Variants in CD300LG observed in about 807,000 individuals in gnomAD.
CD300LG encodes CD300 molecule like family member g, also known as CMRF35-like molecule 9.
CD300LG carries 29 observed loss-of-function variants against 31.5 expected under a neutral mutation model. That is an observed-to-expected ratio of 0.92 (90% confidence interval 0.68 to 1.25). The LOEUF (loss-of-function observed/expected upper bound fraction) is 1.25. Among genes scored for constraint, CD300LG ranks in the 50% most tolerant of loss-of-function variants. The pLI is 0.00. For missense variants in CD300LG, 396 were observed against 417.6 expected (o/e 0.95, Z 0.45); for synonymous variants, 175 against 177.2 (o/e 0.99, Z 0.10).
At chr17:43,853,734 C>A in intron 3 of CD300LG, 73 bp from the exon 4 acceptor site, 1 of 1,275,252 alleles carries the variant, frequency 7.8e-7, no homozygotes, top group Non-Finnish European at 1.1e-6. Context: ...TTCAGGGGTC[C>A]AGGGTCAGAA....
Position 43,853,865 on chromosome 17 carries a change from G to A in CD300LG, c.540G>A (p.Glu180=), listed in dbSNP as rs2046432103. ...TTAKQGKTGA[E]APPLPGTSQY... ...CCAAGCAGGGGAAGACAGGGGCTGA[G>A]GCCCCTCCATTGCCAGGGACTTCCC... Residue 180 remains glutamate (E), a synonymous_variant, in exon 4 of 7, where the codon GAG becomes GAA. Coordinates refer to ENST00000317310, the MANE Select transcript of CD300LG (RefSeq NM_145273.4). The A allele has an allele frequency of 1.9e-6, 3 of 1,614,098 alleles. No homozygotes were observed. The highest frequency in any genetic ancestry group is 1.3e-5 in the African/African-American group (1 of 75,006).
At chr17:43,851,081 C>G (rs1290188578) in intron 2 of CD300LG, among the ~76,000 whole-genome samples, 1 of 143,308 alleles carries the variant, frequency 7.0e-6, no homozygotes, top group Non-Finnish European at 1.5e-5. Flanking sequence ...TTGCAGTGAG[C>G]CAAGATCGTG....
chr17:43,858,763 G>A (rs1037598048), intron 6 of CD300LG: 7 of 931,956 alleles, frequency 7.5e-6, no homozygotes, highest in African/African-American at 5.4e-5. Flanking sequence ...GTCCACATTC[G>A]GGTCAAAGAG....
chr17:43,848,749 G>A lies in CD300LG; in HGVS notation c.235G>A (p.Val79Met), dbSNP rs367991783. The change falls in exon 2 of 7, where the codon GTG becomes ATG. Residue 79 changes from valine to methionine, a missense_variant. Val to Met is a conservative substitution (Grantham distance 21). Coordinates refer to ENST00000317310, the MANE Select transcript of CD300LG (RefSeq NM_145273.4). The part of the protein sequence containing the change: ...EEGQETMKGR[V>M]SIRDSRQELS... ...AGGCCAGGAGACAATGAAGGGCAGG[G>A]TGTCCATCCGTGACAGCCGCCAGGA... The A allele has an allele frequency of 1.2e-5, 20 of 1,614,022 alleles. No homozygotes were observed. The African/African-American group carries it at 1.7e-4, about 14-fold the overall frequency.
chr17:43,852,825 G>A (rs952035002), intron 2 of CD300LG, 87 bp from the exon 3 acceptor site: 5 of 1,056,800 alleles, frequency 4.7e-6, no homozygotes, highest in Non-Finnish European at 5.6e-6. Flanking sequence ...TGAGGTGGGG[G>A]GTAGGAAAAC....
At position 43,853,896 on chromosome 17, in the gene CD300LG, G is replaced by C. The variant is rs530715075; in HGVS notation, c.571G>C (p.Gly191Arg). The C allele has an allele frequency of 1.1e-5, 18 of 1,613,966 alleles. No individual in the cohort carries two copies. Among genetic ancestry groups the C allele is most frequent in the Non-Finnish European group, 1.4e-5 (17 of 1,180,010 alleles). ...APPLPGTSQY[G>R]HERTSQYTGT... ...TCCATTGCCAGGGACTTCCCAGTAC[G>C]GGCACGAAAGGACTTCTCAGTACAC... Residue 191 changes from glycine to arginine, a missense_variant, in exon 4 of 7, where the codon GGG becomes CGG. Transcript: ENST00000317310.
In CD300LG at chr17:43,848,788, G is replaced by T; in HGVS notation, c.274G>T (p.Val92Leu). 1 of 1,614,176 alleles carries T rather than the reference G, an allele frequency of 6.2e-7. No individual in the cohort carries two copies. Among genetic ancestry groups the T allele is most frequent in the Non-Finnish European group, 8.5e-7 (1 of 1,180,040 alleles). ...CAGCCGCCAGGAGCTCTCGCTCATTGTGACCCTGTGGAACCTCACCCTGCA... is the reference window on the plus strand; with the variant it reads ...CAGCCGCCAGGAGCTCTCGCTCATTTTGACCCTGTGGAACCTCACCCTGCA... Reference protein sequence around the residue: ...RDSRQELSLIVTLWNLTLQDA... With the variant: ...RDSRQELSLILTLWNLTLQDA... The change falls in exon 2 of 7, where the codon GTG (valine) becomes TTG (leucine). Residue 92 changes from valine (V) to leucine (L), a missense_variant. By Grantham distance (32) the Val-to-Leu change is conservative. Coordinates refer to ENST00000317310, the MANE Select transcript of CD300LG (RefSeq NM_145273.4).
Position 43,857,019 on chromosome 17 carries a change from G to T in CD300LG, c.833-85G>T, listed in dbSNP as rs942475917. 3 of 1,386,136 alleles carry T rather than the reference G, an allele frequency of 2.2e-6. No individual in the cohort carries two copies. In the African/African-American group the frequency reaches 4.3e-5, roughly 20 times the overall value. The allele number at this position is 1,386,136 out of a possible 1,614,324, so 85.9% of individuals were successfully genotyped here. On this transcript the variant is annotated intron_variant, in intron 5 of 6. Transcript: ENST00000317310. ...AGCCCCTGCTCCCGTGTGCAAGGGGGCCAGTCCACCTTTCTGGGAGCAGCT... is the reference window on the plus strand; with the variant it reads ...AGCCCCTGCTCCCGTGTGCAAGGGGTCCAGTCCACCTTTCTGGGAGCAGCT...
At chr17:43,854,823 G>A (rs953538368) in intron 4 of CD300LG, among the ~76,000 whole-genome samples, 2 of 152,142 alleles carry the variant, frequency 1.3e-5, no homozygotes, top group Non-Finnish European at 2.9e-5. Flanking sequence ...TAACATTGAC[G>A]TGGTGCCTGG....
At chr17:43,853,119 T>A in intron 3 of CD300LG, 106 bp downstream of exon 3, 2 of 913,604 alleles carry the variant, frequency 2.2e-6, no homozygotes, top group Non-Finnish European at 1.7e-6. Context: ...CACCTAGGTG[T>A]CCCCACAAGC....
chr17:43,858,173 G>A (rs915037068), intron 6 of CD300LG: 190 of 1,216,228 alleles, frequency 1.6e-4, no homozygotes, highest in Non-Finnish European at 5.8e-5. Flanking sequence ...TCACCCCAAG[G>A]AGGGTCTGGG....
intron 2 of CD300LG, among the ~76,000 whole-genome samples, chr17:43,851,053 C>T (rs1598391055): frequency 6.9e-6 from 1 of 144,930 alleles, no homozygotes; most frequent in South Asian, 2.2e-4. Context: ...AGAATTGCTT[C>T]AACCCGGGAG....
intron 6 of CD300LG, chr17:43,857,495 A>G (rs1385251240): frequency 2.0e-6 from 3 of 1,527,838 alleles, no homozygotes; most frequent in Admixed American, 3.9e-5. Flanking sequence ...GATCCAGATG[A>G]AGCCTTTGAG....
At chr17:43,852,145 C>G (rs940122732) in intron 2 of CD300LG, among the ~76,000 whole-genome samples, 2 of 151,318 alleles carry the variant, frequency 1.3e-5, no homozygotes, top group African/African-American at 4.9e-5. Context: ...GAGCACCGAA[C>G]AGAGAAAGAG....
At chr17:43,847,287 GA>G in intron 1 of CD300LG, 28 bp downstream of exon 1, 1 of 1,598,380 alleles carries the variant, frequency 6.3e-7, no homozygotes, top group Non-Finnish European at 8.5e-7. Context: ...TCTCGGGAGG[GA>G]TGTGGGGCTC....
intron 2 of CD300LG, among the ~76,000 whole-genome samples, chr17:43,850,452 T>C (rs541978552): frequency 1.6e-4 from 24 of 151,442 alleles, no homozygotes; most frequent in Non-Finnish European, 2.6e-4. Flanking sequence ...TATTTATTTT[T>C]ATTCATTCAT....
intron 6 of CD300LG, chr17:43,858,161 G>A: frequency 8.0e-7 from 1 of 1,257,822 alleles, no homozygotes; most frequent in Non-Finnish European, 1.0e-6. Flanking sequence ...ACTCAGGCCT[G>A]GTCACCCCAA....
intron 1 of CD300LG, among the ~76,000 whole-genome samples, chr17:43,847,695 C>A (rs2046222762): frequency 6.6e-6 from 1 of 152,172 alleles, no homozygotes. Flanking sequence ...TTTTTCTTTA[C>A]CTTCTAACAC....
intron 6 of CD300LG, chr17:43,861,363 C>G: frequency 1.2e-6 from 1 of 814,492 alleles, no homozygotes; most frequent in Non-Finnish European, 1.5e-6. Flanking sequence ...CATCTGCTCC[C>G]CAAACCCCAC....
Sources: allele counts gnomAD v4.1 joint callset (sites outside exome capture counted in the v4.1 genomes callset), GRCh38; gene constraint gnomAD v4.1.1; transcripts MANE v1.5; gene names NCBI Gene and HGNC (gene_info 2026-07-23, HGNC 2026-07-21).